The following DAB1 variants were observed in gnomAD, a reference collection of about 807,000 sequenced individuals.
DAB1 encodes disabled homolog 1.
A neutral mutation model predicts 64.6 loss-of-function variants in DAB1; 15 were observed. The observed-to-expected ratio is 0.23, with a 90% CI of 0.16 to 0.36. DAB1 has a LOEUF of 0.36. DAB1 is among the 10% of genes least tolerant of loss of function. The pLI, the probability that DAB1 is intolerant of heterozygous loss-of-function variation, is 1.00. For synonymous variants in DAB1, 235 were observed against 251.9 expected, an observed-to-expected ratio of 0.93 and a Z score of 0.64; for missense variants, 596 against 706.7, an observed-to-expected ratio of 0.84 and a Z score of 1.78.
chr1:57,244,614 C>T (rs2100492049), intron 2 of DAB1, among the ~76,000 whole-genome samples: 1 of 152,274 alleles, frequency 6.6e-6, no homozygotes, highest in East Asian at 1.9e-4. Flanking sequence ...TGTAAACAAA[C>T]AATATTAGTT....
chr1:58,068,272 T>C (rs1399619879), intron 5 of DAB1, among the ~76,000 whole-genome samples: 1 of 152,228 alleles, frequency 6.6e-6, no homozygotes. Flanking sequence ...TCCTTGCATC[T>C]CTATCGTTCT....
chr1:57,062,790 A>T (rs1650530203), intron 9 of DAB1, 94 bp downstream of exon 9: 2 of 1,040,154 alleles, frequency 1.9e-6, no homozygotes, highest in Non-Finnish European at 2.9e-6. Flanking sequence ...CATGACACTC[A>T]TTCCAGGAGA....
intron 3 of DAB1, among the ~76,000 whole-genome samples, chr1:58,343,967 G>A (rs1262188676): frequency 6.6e-6 from 1 of 152,130 alleles, no homozygotes; most frequent in Admixed American, 6.5e-5. Context: ...TTCAGTACTT[G>A]TCACTGTACC....
At chr1:57,925,447 C>A (rs1644865467) in intron 5 of DAB1, among the ~76,000 whole-genome samples, 1 of 152,192 alleles carries the variant, frequency 6.6e-6, no homozygotes, top group African/African-American at 2.4e-5. Flanking sequence ...TCATCCTAAG[C>A]AAAGGGGCTG....
intron 10 of DAB1, 100 bp from the exon 11 acceptor site, chr1:57,023,739 T>C: frequency 2.7e-6 from 2 of 752,288 alleles, no homozygotes; most frequent in Non-Finnish European, 2.3e-6. Context: ...GGGGAAGGGG[T>C]CCACAGTTCA....
intron 2 of DAB1, among the ~76,000 whole-genome samples, chr1:57,147,034 CTTTTTTT>C (rs71681386): frequency 7.0e-6 from 1 of 143,558 alleles, no homozygotes; most frequent in Non-Finnish European, 1.5e-5. Context: ...CACTGTTTTT[CTTTTTTT>C]TTTTTTTGAA....
chr1:57,983,952 C>A (rs1230411891), intron 5 of DAB1, among the ~76,000 whole-genome samples: 1 of 151,984 alleles, frequency 6.6e-6, no homozygotes, highest in African/African-American at 2.4e-5. Flanking sequence ...TGCTCATACC[C>A]AATGTATAAA....
chr1:57,898,292 TTGA>T (rs1644421613), intron 5 of DAB1, among the ~76,000 whole-genome samples: 1 of 152,210 alleles, frequency 6.6e-6, no homozygotes, highest in Non-Finnish European at 1.5e-5. Context: ...TACCTCATTT[TTGA>T]GTCTACTACT....
chr1:57,006,204 G>A (rs1423604294), intron 14 of DAB1, among the ~76,000 whole-genome samples: 1 of 152,166 alleles, frequency 6.6e-6, no homozygotes, highest in East Asian at 1.9e-4. Flanking sequence ...TCCAATGGCT[G>A]AAACCCATAT....
At chr1:57,312,352 A>C in intron 1 of DAB1, among the ~76,000 whole-genome samples, 1 of 151,350 alleles carries the variant, frequency 6.6e-6, no homozygotes, top group East Asian at 1.9e-4. Context: ...TGATAAACTC[A>C]GGCAAAGGGT....
chr1:57,873,832 T>TTTTC (rs1643996115), intron 1 of DAB1: 1 of 152,182 alleles, frequency 6.6e-6, no homozygotes, highest in African/African-American at 2.4e-5. Flanking sequence ...TTATTGTATA[T>TTTTC]AAATACTGTA....
chr1:57,281,557 G>T (rs1671896040), intron 2 of DAB1, among the ~76,000 whole-genome samples: 1 of 152,098 alleles, frequency 6.6e-6, no homozygotes, highest in South Asian at 2.1e-4. Flanking sequence ...GATAAGAAGG[G>T]GTCAGACCAG....
chr1:58,498,600 C>G (rs2100398262), intron 3 of DAB1, among the ~76,000 whole-genome samples: 1 of 152,222 alleles, frequency 6.6e-6, no homozygotes, highest in Admixed American at 6.5e-5. Flanking sequence ...GCCTATATGG[C>G]TACTTATTAA....
chr1:57,367,897 T>G (rs1466416582), intron 1 of DAB1, among the ~76,000 whole-genome samples: 1 of 152,082 alleles, frequency 6.6e-6, no homozygotes, highest in Non-Finnish European at 1.5e-5. Context: ...CTCCCACTCC[T>G]CAGAGCAGGC....
chr1:57,425,692 T>C (rs1447142359), upstream of DAB1, among the ~76,000 whole-genome samples: 1 of 151,834 alleles, frequency 6.6e-6, no homozygotes, highest in African/African-American at 2.4e-5. Context: ...GCAAGAAGAG[T>C]TGATCAGATG....
intron 5 of DAB1, among the ~76,000 whole-genome samples, chr1:58,086,196 C>T (rs939554877): frequency 6.6e-6 from 1 of 151,804 alleles, no homozygotes; most frequent in Non-Finnish European, 1.5e-5. Context: ...ATCTCCTGAC[C>T]TCGTGATCCG....
Position 58,531,726 on chromosome 1 carries a change from T to C in DAB1, n.33-4391A>G, listed in dbSNP as rs893730513. 2.0e-5 allele frequency among the ~76,000 whole-genome samples: 3 copies of C among 148,596 alleles called. No individual in the cohort carries two copies. The East Asian group carries it at 5.8e-4, about 29-fold the overall frequency. ...CAATTATGGATTTATCTTTTTTTTT[T>C]TGAGACAGAGTCTTGCCCTGTTGCC... On this transcript the variant is annotated intron_variant and non_coding_transcript_variant, in intron 1 of 20. Transcript: ENST00000485760.
intron 5 of DAB1, among the ~76,000 whole-genome samples, chr1:57,920,163 C>T (rs61770301): frequency 3.9e-5 from 6 of 152,098 alleles, no homozygotes; most frequent in Non-Finnish European, 7.4e-5. Flanking sequence ...CAGAAAGGGA[C>T]TTTGAAGGTC....
intron 1 of DAB1, among the ~76,000 whole-genome samples, chr1:57,423,685 G>A (rs1263573815): frequency 1.3e-5 from 2 of 152,084 alleles, no homozygotes; most frequent in Non-Finnish European, 2.9e-5. Flanking sequence ...GCGCGGGGAT[G>A]GGGGGCAGGA....
Sources: allele counts gnomAD v4.1 joint callset (sites outside exome capture counted in the v4.1 genomes callset), GRCh38; gene constraint gnomAD v4.1.1; transcripts MANE v1.5; gene names NCBI Gene and HGNC (gene_info 2026-07-23, HGNC 2026-07-21).